CASKIN2: variants seen among roughly 807,000 people sequenced by gnomAD.
CASKIN2 encodes the protein caskin-2.
CASKIN2 carries 41 observed loss-of-function variants against 107.1 expected under a neutral mutation model. The ratio of observed to expected loss-of-function variants is 0.38; its 90% CI spans 0.30 to 0.50. The LOEUF (loss-of-function observed/expected upper bound fraction) is 0.50. CASKIN2 is among the 20% of genes least tolerant of loss of function. The probability of loss-of-function intolerance (pLI) is 0.92; values close to 1 mark genes in which losing one functional copy is unlikely to be tolerated. For missense variants in CASKIN2, 1,546 were observed against 1,657.4 expected (o/e 0.93, Z 1.17); for synonymous variants, 724 against 705.6 (o/e 1.03, Z -0.41).
chr17:75,500,337 G>T lies in CASKIN2; in HGVS notation c.*743C>A. On this transcript the variant is annotated 3_prime_UTR_variant, in exon 20 of 20. Transcript: ENST00000321617. ...TTACAGAGCCAGGGCCTGGGCCAAT[G>T]GGGTCAGGCTCTCCCTGCCCTCAGG... 1 of 152,366 alleles carries T rather than the reference G, an allele frequency of 6.6e-6. No homozygotes were observed. 9.4% of individuals were successfully genotyped at this position (152,366 alleles called of 1,614,324 possible). A position where few individuals can be genotyped will look rare whatever the true frequency, so the allele number is the denominator to read the frequency against.
Position 75,505,558 on chromosome 17 carries a change from G to C in CASKIN2, c.929C>G (p.Thr310Arg). The part of the protein sequence containing the change: ...ALNVRAGDVI[T>R]VLEQHPDGRW... ...GAATGCCTGCTTGGGGTCCCTCACC[G>C]TGATGACATCCCCTGCCCGGACATT... Residue 310 changes from threonine (T) to arginine (R), a missense_variant and splice_region_variant, in exon 10 of 20, where the codon ACG (threonine) becomes AGG (arginine). Physicochemically the swap from Thr to Arg is moderately conservative, Grantham distance 71. This residue lies in a region of CASKIN2 where 1,311 missense variants were observed against 1,311.0 expected (regional missense o/e 1.00). Transcript: ENST00000321617. The surrounding 1 kb of genome is among the most constrained non-coding windows in gnomAD (Gnocchi z 5.1). The C allele has an allele frequency of 6.2e-7, 1 of 1,613,410 alleles. No individual in the cohort carries two copies. Among genetic ancestry groups the C allele is most frequent in the Non-Finnish European group, 8.5e-7 (1 of 1,179,862 alleles).
At position 75,504,706 on chromosome 17, in the gene CASKIN2, G is replaced by A; in HGVS notation, c.1193-13C>T. ...TTCCTGTCACCTGCTGTGGGGGGCA[G>A]AAGCCAAGGGGTCAGAGTCCCAAGT... On this transcript the variant is annotated splice_polypyrimidine_tract_variant and intron_variant, in intron 11 of 19. Transcript: ENST00000321617. 2 of 1,585,216 alleles carry A rather than the reference G, an allele frequency of 1.3e-6. No homozygotes were observed. Among genetic ancestry groups the A allele is most frequent in the South Asian group, 1.1e-5 (1 of 88,128 alleles).
chr17:75,507,343 G>T (rs996415890), intron 4 of CASKIN2, among the ~76,000 whole-genome samples: 2 of 152,172 alleles, frequency 1.3e-5, no homozygotes, highest in Non-Finnish European at 2.9e-5. Context: ...ATGACCCCAG[G>T]ACAGCAACAA....
At chr17:75,513,679 T>A in intron 2 of CASKIN2, 32 bp downstream of exon 2, 5 of 1,321,744 alleles carry the variant, frequency 3.8e-6, no homozygotes, top group Non-Finnish European at 5.4e-6. Context: ...GCGCTCGGCC[T>A]CAGCGGGATG....
At chr17:75,508,584 C>T (rs2053290082) in intron 2 of CASKIN2, among the ~76,000 whole-genome samples, 3 of 152,356 alleles carry the variant, frequency 2.0e-5, no homozygotes, top group Middle Eastern at 3.4e-3. Context: ...CCTCAGTGGA[C>T]AGGCCCACGG....
Position 75,505,305 on chromosome 17 carries a change from G to A in CASKIN2, c.931-232C>T, listed in dbSNP as rs796382107. ...AGTGGCAGCCCGTGGTCAAATCACA[G>A]CTCCACTACTTGCTAGCTGTGTGAC... On this transcript the variant is annotated intron_variant, in intron 10 of 19. Coordinates refer to ENST00000321617, the MANE Select transcript of CASKIN2 (RefSeq NM_020753.5). The surrounding 1 kb of genome is among the most constrained non-coding windows in gnomAD (Gnocchi z 5.1). The A allele has an allele frequency of 6.2e-5, 39 of 627,144 alleles. No individual in the cohort carries two copies. The highest frequency in any genetic ancestry group is 5.5e-4 in the African/African-American group (30 of 54,490). The allele number at this position is 627,144 out of a possible 1,614,324, so 38.8% of individuals were successfully genotyped here. A position where few individuals can be genotyped will look rare whatever the true frequency, so the allele number is the denominator to read the frequency against.
Position 75,501,707 on chromosome 17 carries a change from G to C in CASKIN2, c.3296-17C>G. The stretch of plus-strand genomic sequence containing the variant: ...GGGCTGTTCCTGCAGAGACAAAAAG[G>C]TTGGCTTGGGACTTGGCTGGGTCAG... On this transcript the variant is annotated splice_polypyrimidine_tract_variant and intron_variant, in intron 18 of 19. Coordinates refer to ENST00000321617, the MANE Select transcript of CASKIN2 (RefSeq NM_020753.5). 1 of 1,545,370 alleles carries C rather than the reference G, an allele frequency of 6.5e-7. No homozygotes were observed. Among genetic ancestry groups the C allele is most frequent in the Non-Finnish European group, 8.7e-7 (1 of 1,145,198 alleles).
Position 75,514,125 on chromosome 17 carries a change from G to T in CASKIN2, c.-321C>A. 1.9e-6 allele frequency: 1 copy of T among 531,102 alleles called. No individual in the cohort carries two copies. Among genetic ancestry groups the T allele is most frequent in the South Asian group, 3.1e-5 (1 of 32,780 alleles). The allele number at this position is 531,102 out of a possible 1,614,324, so 32.9% of individuals were successfully genotyped here. On this transcript the variant is annotated 5_prime_UTR_variant, in exon 2 of 20. Coordinates refer to ENST00000321617, the MANE Select transcript of CASKIN2 (RefSeq NM_020753.5). ...CTGGGCACACCAATCTTCCCGGCTT[G>T]GCTGTGGAACACCAGTGCCCACCCA...
chr17:75,509,727 C>G, intron 2 of CASKIN2: 1 of 985,574 alleles, frequency 1.0e-6, no homozygotes, highest in Non-Finnish European at 1.2e-6. Context: ...CACGGTACCT[C>G]TCTGAGCCCC....
chr17:75,514,730 G>A (rs904899004), intron 1 of CASKIN2, among the ~76,000 whole-genome samples: 5 of 152,204 alleles, frequency 3.3e-5, no homozygotes, highest in African/African-American at 1.2e-4. Context: ...TGAACGGAGA[G>A]CATGAAGTGC....
rs1327068132 is a variant in CASKIN2 at position 75,502,059 on chromosome 17, T to C, written c.3015A>G (p.Ala1005=). Residue 1005 remains alanine, a synonymous_variant, in exon 18 of 20, where the codon GCA becomes GCG. Coordinates refer to ENST00000321617, the MANE Select transcript of CASKIN2 (RefSeq NM_020753.5). The surrounding 1 kb of genome is among the most constrained non-coding windows in gnomAD (Gnocchi z 4.3). ...CACTGGCCACTCCGAAGGCCAGCAG[T>C]GCGGTCTGCAGTGGCTCTCTCTCCC... ...KCREREPLQT[A]LLAFGVASAT... is the part of the protein sequence containing the mutation. The C allele has an allele frequency of 5.6e-6, 9 of 1,612,164 alleles. No homozygotes were observed. The highest frequency in any genetic ancestry group is 7.6e-6 in the Non-Finnish European group (9 of 1,179,856).
intron 3 of CASKIN2, 74 bp downstream of exon 3, chr17:75,508,160 C>G: frequency 6.6e-7 from 1 of 1,516,960 alleles, no homozygotes; most frequent in Admixed American, 1.7e-5. Flanking sequence ...CAGGATCTTT[C>G]CCTCCAGCCC....
chr17:75,506,439 G>T lies in CASKIN2; in HGVS notation c.618-26C>A. The T allele has an allele frequency of 1.2e-6, 2 of 1,600,668 alleles. No individual in the cohort carries two copies. Among genetic ancestry groups the T allele is most frequent in the South Asian group, 2.2e-5 (2 of 90,914 alleles). On this transcript the variant is annotated intron_variant, in intron 7 of 19. Coordinates refer to ENST00000321617, the MANE Select transcript of CASKIN2 (RefSeq NM_020753.5). The surrounding 1 kb of genome is among the most constrained non-coding windows in gnomAD (Gnocchi z 4.8). ...CTGCAGTGGACGGGGGGAGTCACGG[G>T]GGAGGTGGCGTAGGAGGGGGTGCTG...
chr17:75,512,151 AC>A (rs1251985113), intron 2 of CASKIN2, among the ~76,000 whole-genome samples: 5 of 152,060 alleles, frequency 3.3e-5, no homozygotes. Flanking sequence ...TGGCACCCAT[AC>A]CCCAGGTGTT....
In CASKIN2 at chr17:75,503,904, T is replaced by C. The variant is rs1310207871; in HGVS notation, c.1526A>G (p.His509Arg). Residue 509 changes from histidine (H) to arginine (R), a missense_variant, in exon 15 of 20, where the codon CAC becomes CGC. By Grantham distance (29) the His-to-Arg change is conservative. Transcript: ENST00000321617. ...SEFQLEGYTA[H>R]FLQAGYDVPT... is the part of the protein sequence containing the mutation. ...CACATCATAGCCGGCCTGCAGAAAG[T>C]GGGCAGTGTAGCCCTCCAGCTGGAA... 6.2e-7 allele frequency: 1 copy of C among 1,612,754 alleles called. No individual in the cohort carries two copies. The highest frequency in any genetic ancestry group is 1.1e-5 in the South Asian group (1 of 91,066).
At chr17:75,511,347 G>T (rs2053314421) in intron 2 of CASKIN2, among the ~76,000 whole-genome samples, 1 of 152,014 alleles carries the variant, frequency 6.6e-6, no homozygotes, top group African/African-American at 2.4e-5. Flanking sequence ...TCTTTAAAAA[G>T]AAAAGAACAG....
Position 75,503,182 on chromosome 17 carries a change from G to A in CASKIN2, c.1892C>T (p.Ala631Val), listed in dbSNP as rs1350549750. 6.2e-7 allele frequency: 1 copy of A among 1,600,842 alleles called. No individual in the cohort carries two copies. Among genetic ancestry groups the A allele is most frequent in the Non-Finnish European group, 8.5e-7 (1 of 1,176,370 alleles). Residue 631 changes from alanine to valine, a missense_variant, in exon 18 of 20, where the codon GCC (alanine) becomes GTC (valine). By Grantham distance (64) the Ala-to-Val change is moderately conservative. Around this residue, in one of 6 missense-constraint regions of CASKIN2, gnomAD observed 1,311 missense variants for 1,311.0 expected, o/e 1.00. Transcript: ENST00000321617. ...ELRRGLLQGE[A>V]LSEGGRRLAK... ...CAGCCGGCGCCCGCCTTCGCTGAGG[G>A]CCTCCCCCTGCAGCAGGCCCCGCCG...
Position 75,500,849 on chromosome 17 carries a change from A to C in CASKIN2, c.*231T>G. ...CCTGCTCAATCGATCAAACCCTGGG[A>C]GGGGCTTTGCTGAGATGCAGCGGAG... On this transcript the variant is annotated 3_prime_UTR_variant, in exon 20 of 20. Transcript: ENST00000321617. The C allele has an allele frequency of 1.9e-6, 1 of 533,008 alleles. No homozygotes were observed. The highest frequency in any genetic ancestry group is 3.4e-6 in the Non-Finnish European group (1 of 294,008). 33.0% of individuals were successfully genotyped at this position (533,008 alleles called of 1,614,324 possible). A position where few individuals can be genotyped will look rare whatever the true frequency, so the allele number is the denominator to read the frequency against.
intron 19 of CASKIN2, 95 bp downstream of exon 19, chr17:75,501,373 G>T: frequency 7.2e-7 from 1 of 1,391,376 alleles, no homozygotes; most frequent in South Asian, 1.3e-5. Context: ...TGCCTGCAAT[G>T]TCCCCCTCCA....
Sources: allele counts gnomAD v4.1 joint callset (sites outside exome capture counted in the v4.1 genomes callset), GRCh38; gene constraint gnomAD v4.1.1; regional missense constraint gnomAD v4.1.1; non-coding constraint Gnocchi (gnomAD v3.1); transcripts MANE v1.5; gene names NCBI Gene and HGNC (gene_info 2026-07-23, HGNC 2026-07-21).